Variants in DLC1 observed in about 807,000 individuals in gnomAD.
DLC1 encodes the protein rho GTPase-activating protein 7.
A neutral mutation model predicts 140.3 loss-of-function variants in DLC1; 54 were observed. The ratio of observed to expected loss-of-function variants is 0.38; its 90% confidence interval spans 0.31 to 0.48. The LOEUF (loss-of-function observed/expected upper bound fraction) is 0.48, where lower values mean the gene tolerates loss of function less well. Among genes scored for constraint, DLC1 ranks in the 20% least tolerant of loss-of-function variants. DLC1 has a pLI of 0.96. For synonymous variants in DLC1, 986 were observed against 728.1 expected (o/e 1.35, Z -5.70); for missense variants, 2,536 against 1,907.0 (o/e 1.33, Z -6.14).
At chr8:13,303,863 T>A (rs1832310110) in intron 5 of DLC1, among the ~76,000 whole-genome samples, 1 of 152,120 alleles carries the variant, frequency 6.6e-6, no homozygotes, top group African/African-American at 2.4e-5. Flanking sequence ...CAGAATGAAG[T>A]GTTTCTCCCT....
chr8:13,548,473 A>T (rs1164833469), intron 1 of DLC1, among the ~76,000 whole-genome samples: 1 of 152,082 alleles, frequency 6.6e-6, no homozygotes, highest in Non-Finnish European at 1.5e-5. Context: ...TGAAGTAGGT[A>T]TGCAGATGAT....
intron 5 of DLC1, among the ~76,000 whole-genome samples, chr8:13,185,288 T>TTTTGTTTGTTTG (rs555796835): frequency 4.2e-5 from 6 of 144,374 alleles, no homozygotes; most frequent in African/African-American, 1.5e-4. Context: ...TTTCTGTTTT[T>TTTTGTTTGTTTG]TTTGTTTGTT....
At chr8:13,466,103 C>T (rs1279587527) in intron 2 of DLC1, among the ~76,000 whole-genome samples, 1 of 152,204 alleles carries the variant, frequency 6.6e-6, no homozygotes, top group Non-Finnish European at 1.5e-5. Context: ...GACAAGCACA[C>T]AGCCACAATG....
chr8:13,187,856 A>T (rs112329177), intron 5 of DLC1, among the ~76,000 whole-genome samples: 1 of 152,068 alleles, frequency 6.6e-6, no homozygotes, highest in Non-Finnish European at 1.5e-5. Flanking sequence ...CGGCTCCCCA[A>T]CCCTCTAGCA....
intron 1 of DLC1, chr8:13,558,725 T>C (rs986357882): frequency 2.6e-5 from 4 of 152,144 alleles, no homozygotes; most frequent in Admixed American, 2.6e-4. Flanking sequence ...ACATCGAGGA[T>C]TACACAGTGT....
intron 5 of DLC1, among the ~76,000 whole-genome samples, chr8:13,238,214 A>G (rs1829380937): frequency 6.6e-6 from 1 of 152,216 alleles, no homozygotes. Flanking sequence ...AATTTAAAAT[A>G]TAAATCTCTC....
intron 1 of DLC1, among the ~76,000 whole-genome samples, chr8:13,521,900 A>G (rs1256471619): frequency 6.6e-6 from 1 of 152,216 alleles, no homozygotes; most frequent in East Asian, 1.9e-4. Flanking sequence ...TACTATGTTC[A>G]TAACACCAGT....
intron 5 of DLC1, among the ~76,000 whole-genome samples, chr8:13,136,240 T>G (rs559868804): frequency 6.6e-6 from 1 of 152,210 alleles, no homozygotes; most frequent in African/African-American, 2.4e-5. Context: ...GCAGATACAT[T>G]GCATGATGCT....
chr8:13,215,861 A>AT (rs750560536), intron 5 of DLC1, among the ~76,000 whole-genome samples: 25 of 152,116 alleles, frequency 1.6e-4, no homozygotes, highest in Non-Finnish European at 7.4e-5. Flanking sequence ...TAATCTACTG[A>AT]TTTTTCTGTC....
chr8:13,452,303 A>G (rs1799102809), intron 2 of DLC1, among the ~76,000 whole-genome samples: 1 of 152,108 alleles, frequency 6.6e-6, no homozygotes, highest in Non-Finnish European at 1.5e-5. Context: ...ACTTGCCTAT[A>G]GCTCCACTGA....
intron 5 of DLC1, among the ~76,000 whole-genome samples, chr8:13,161,595 C>T (rs1007539612): frequency 2.0e-5 from 3 of 152,190 alleles, no homozygotes; most frequent in Non-Finnish European, 4.4e-5. Flanking sequence ...CTTTAGCCTC[C>T]CAAAGTCTTG....
chr8:13,341,910 G>A (rs1834072899), intron 4 of DLC1: 1 of 152,112 alleles, frequency 6.6e-6, no homozygotes, highest in Non-Finnish European at 1.5e-5. Flanking sequence ...ATCAGCTGAA[G>A]AGTCTTTCAG....
chr8:13,096,512 T>C (rs1818509880), intron 10 of DLC1, among the ~76,000 whole-genome samples: 1 of 152,056 alleles, frequency 6.6e-6, no homozygotes, highest in African/African-American at 2.4e-5. Context: ...GCTATAAGTG[T>C]GCATAATACT....
chr8:13,214,576 T>TTTTTTTG, intron 5 of DLC1: 1 of 650,358 alleles, frequency 1.5e-6, no homozygotes, highest in Non-Finnish European at 2.8e-6. Context: ...TTTTTTTTTG[T>TTTTTTTG]GGCTGCCCGA....
At chr8:13,093,685 G>C (rs1818274383) in intron 12 of DLC1, among the ~76,000 whole-genome samples, 1 of 152,138 alleles carries the variant, frequency 6.6e-6, no homozygotes, top group Admixed American at 6.5e-5. Context: ...ACCTCGGTGA[G>C]GAAAATGTGA....
chr8:13,218,982 C>CGTATATAACTATATAAT (rs1563173892), intron 5 of DLC1, among the ~76,000 whole-genome samples: 1 of 48,910 alleles, frequency 2.0e-5, no homozygotes, highest in African/African-American at 8.4e-5. Flanking sequence ...ACGTATATAA[C>CGTATATAACTATATAAT]TATATAATTA....
Position 13,506,361 on chromosome 8 carries a change from T to G in DLC1, c.-125-6165A>C, listed in dbSNP as rs1214119546. Among the ~76,000 whole-genome samples the G allele has an allele frequency of 2.0e-5, 3 of 151,734 alleles. No homozygotes were observed. The East Asian group carries it at 5.9e-4, about 30-fold the overall frequency. On this transcript the variant is annotated intron_variant, in intron 1 of 17. Transcript: ENST00000276297. ...ATATTCTATTAAATATCCTGAATAT[T>G]TAATGGAAGGGAAAATAAAGACATA...
chr8:13,116,120 G>A (rs1413643947), intron 5 of DLC1: 4 of 971,750 alleles, frequency 4.1e-6, no homozygotes, highest in Non-Finnish European at 4.9e-6. Flanking sequence ...GACACCCAGG[G>A]GTTGGGTGTT....
At chr8:13,440,292 C>G (rs2116917257) in intron 2 of DLC1, among the ~76,000 whole-genome samples, 1 of 152,218 alleles carries the variant, frequency 6.6e-6, no homozygotes. Flanking sequence ...TTAATGGTCT[C>G]TGGAGACTTC....
Sources: allele counts gnomAD v4.1 joint callset (sites outside exome capture counted in the v4.1 genomes callset), GRCh38; gene constraint gnomAD v4.1.1; transcripts MANE v1.5; gene names NCBI Gene and HGNC (gene_info 2026-07-23, HGNC 2026-07-21).